SMAD2: variants seen among roughly 807,000 people sequenced by gnomAD.
SMAD2 encodes the protein SMAD family member 2.
Under a neutral mutation model 64.4 loss-of-function variants are expected in SMAD2, and 8 were observed. That is an observed-to-expected ratio of 0.12 (90% confidence interval 0.07 to 0.22). The LOEUF is 0.22. SMAD2 is among the 10% of genes least tolerant of loss of function. The probability of loss-of-function intolerance (pLI) is 1.00; values close to 1 mark genes in which losing one functional copy is unlikely to be tolerated. For synonymous variants in SMAD2, 203 were observed against 195.8 expected (o/e 1.04, Z -0.31); for missense variants, 289 against 561.2 (o/e 0.51, Z 4.90).
At position 47,918,871 on chromosome 18, in the gene SMAD2, G is replaced by C. The variant is rs536320113; in HGVS notation, c.-54+11490C>G. 7.9e-5 allele frequency among the ~76,000 whole-genome samples: 12 copies of C among 152,238 alleles called. No individual in the cohort carries two copies. The East Asian group carries it at 2.3e-3, about 29-fold the overall frequency. ...AAAAAATTGGAAGACTGGTTCCAGA[G>C]GTCCAATGTCCCAACAACAGTTCCA... On this transcript the variant is annotated intron_variant, in intron 1 of 10. Transcript: ENST00000262160.
chr18:47,880,526 T>C (rs943781094), intron 2 of SMAD2, among the ~76,000 whole-genome samples: 1 of 152,170 alleles, frequency 6.6e-6, no homozygotes, highest in African/African-American at 2.4e-5. Context: ...TCAAGGTGAG[T>C]CTTGAAGTCA....
chr18:47,896,460 G>C, intron 2 of SMAD2, 61 bp downstream of exon 2: 5 of 1,550,704 alleles, frequency 3.2e-6, no homozygotes, highest in Middle Eastern at 1.7e-4. Context: ...CACAAATTCA[G>C]TAACTTTCCT....
At position 47,829,394 on chromosome 18, in the gene SMAD2, C is replaced by CAAAAAAAAAAAA. The variant is rs749899597; in HGVS notation, c.*12421_*12432dup. ...CTAAAACATTGTCTCTAGACCTCAG[C>CAAAAAAAAAAAA]AAAAAAAAAAAAGCACATCCACTTT... On this transcript the variant is annotated 3_prime_UTR_variant, in exon 11 of 11. Coordinates refer to ENST00000262160, the MANE Select transcript of SMAD2 (RefSeq NM_005901.6). 7.6e-6 allele frequency: 1 copy of CAAAAAAAAAAAA among 131,506 alleles called. No individual in the cohort carries two copies. 8.1% of individuals were successfully genotyped at this position (131,506 alleles called of 1,614,324 possible).
At chr18:47,871,209 A>G (rs1279317086) in intron 2 of SMAD2, among the ~76,000 whole-genome samples, 4 of 152,160 alleles carry the variant, frequency 2.6e-5, no homozygotes, top group Admixed American at 6.5e-5. Flanking sequence ...TTCATTTCAT[A>G]GTAACTTCTG....
intron 1 of SMAD2, among the ~76,000 whole-genome samples, chr18:47,915,236 A>G (rs1054395195): frequency 6.6e-6 from 1 of 152,176 alleles, no homozygotes; most frequent in Non-Finnish European, 1.5e-5. Flanking sequence ...GATTATCACT[A>G]TCCTGATGTT....
At position 47,831,248 on chromosome 18, in the gene SMAD2, C is replaced by T. The variant is rs1049362954; in HGVS notation, c.*10579G>A. 2 of 152,192 alleles carry T rather than the reference C, an allele frequency of 1.3e-5. No homozygotes were observed. The highest frequency in any genetic ancestry group is 4.8e-5 in the African/African-American group (2 of 41,446). 9.4% of individuals were successfully genotyped at this position (152,192 alleles called of 1,614,324 possible). On this transcript the variant is annotated 3_prime_UTR_variant, in exon 11 of 11. Coordinates refer to ENST00000262160, the MANE Select transcript of SMAD2 (RefSeq NM_005901.6). ...CATATAAGCAGTAGCTCAATAACAC[C>T]GTCCAGTTTTCATGTATATCCAGAC... is the stretch of plus-strand genomic sequence containing the variant.
intron 6 of SMAD2, among the ~76,000 whole-genome samples, chr18:47,860,625 A>G (rs1447401056): frequency 6.6e-6 from 1 of 152,012 alleles, no homozygotes; most frequent in Non-Finnish European, 1.5e-5. Context: ...CCTTAAAGAA[A>G]CTCTTCGAGA....
chr18:47,855,001 T>TA (rs1287187669), intron 6 of SMAD2, among the ~76,000 whole-genome samples: 2 of 152,196 alleles, frequency 1.3e-5, no homozygotes, highest in African/African-American at 2.4e-5. Context: ...GTGCTCCACC[T>TA]AGTCCTCTTT....
At chr18:47,908,470 G>GA (rs1213494385) in intron 1 of SMAD2, among the ~76,000 whole-genome samples, 1 of 151,744 alleles carries the variant, frequency 6.6e-6, no homozygotes, top group East Asian at 1.9e-4. Flanking sequence ...TAGAAACACT[G>GA]AAAAAAACTA....
chr18:47,897,330 C>A (rs761567523), intron 1 of SMAD2, among the ~76,000 whole-genome samples: 1 of 152,164 alleles, frequency 6.6e-6, no homozygotes, highest in African/African-American at 2.4e-5. Context: ...CAAACAGAGT[C>A]CGTGGAGAAA....
chr18:47,870,613 GT>G (rs2144385503), intron 2 of SMAD2, 49 bp from the exon 3 acceptor site: 1 of 1,157,718 alleles, frequency 8.6e-7, no homozygotes, highest in African/African-American at 1.5e-5. Flanking sequence ...TGGAAGCATG[GT>G]TATTCAAAAT....
At chr18:47,897,181 C>T (rs538240567) in intron 1 of SMAD2, among the ~76,000 whole-genome samples, 1 of 152,082 alleles carries the variant, frequency 6.6e-6, no homozygotes, top group Non-Finnish European at 1.5e-5. Context: ...AAAGACTATA[C>T]AAAAATACAT....
At chr18:47,909,179 G>A (rs572527220) in intron 1 of SMAD2, among the ~76,000 whole-genome samples, 1 of 152,118 alleles carries the variant, frequency 6.6e-6, no homozygotes, top group Non-Finnish European at 1.5e-5. Flanking sequence ...TGAAAATGCA[G>A]GTTTTATGTA....
At chr18:47,929,624 G>A (rs746011012) in intron 1 of SMAD2, among the ~76,000 whole-genome samples, 11 of 152,002 alleles carry the variant, frequency 7.2e-5, no homozygotes, top group Non-Finnish European at 1.5e-4. Context: ...ACACACTGGT[G>A]GTATTTTGCT....
intron 1 of SMAD2, among the ~76,000 whole-genome samples, chr18:47,926,044 ATTAC>A (rs938434642): frequency 2.6e-5 from 4 of 152,234 alleles, no homozygotes; most frequent in African/African-American, 7.2e-5. Flanking sequence ...TGACAAAAAA[ATTAC>A]TTACACCAAA....
chr18:47,860,897 C>T (rs1175985341), intron 6 of SMAD2, among the ~76,000 whole-genome samples: 1 of 152,112 alleles, frequency 6.6e-6, no homozygotes, highest in African/African-American at 2.4e-5. Context: ...CAGATACAAT[C>T]TCCAAAATAT....
chr18:47,901,280 T>C (rs558819899), intron 1 of SMAD2, among the ~76,000 whole-genome samples: 8 of 152,284 alleles, frequency 5.3e-5, no homozygotes, highest in Non-Finnish European at 8.8e-5. Flanking sequence ...TCTACTACTG[T>C]TTATTGTATT....
At chr18:47,854,413 A>G (rs2030462708) in intron 6 of SMAD2, among the ~76,000 whole-genome samples, 1 of 152,160 alleles carries the variant, frequency 6.6e-6, no homozygotes, top group Admixed American at 6.6e-5. Flanking sequence ...CATCTCACTA[A>G]GAATTTATAA....
At chr18:47,885,890 A>C (rs2032876242) in intron 2 of SMAD2, among the ~76,000 whole-genome samples, 1 of 152,250 alleles carries the variant, frequency 6.6e-6, no homozygotes, top group Non-Finnish European at 1.5e-5. Flanking sequence ...GGAGCCCAGG[A>C]AGCAGAGGTT....
Sources: gnomAD v4.1 joint callset for allele counts (sites outside exome capture counted in the v4.1 genomes callset) on GRCh38, gnomAD v4.1.1 for gene constraint, MANE v1.5 for transcripts, NCBI Gene and HGNC (gene_info 2026-07-23, HGNC 2026-07-21) for gene names.